The following COP1 variants were observed in gnomAD, a reference collection of about 807,000 sequenced individuals.
COP1 encodes the protein COP1 E3 ubiquitin ligase, also known as E3 ubiquitin-protein ligase COP1.
Under a neutral mutation model 101.3 loss-of-function variants are expected in COP1, and 24 were observed. The observed-to-expected ratio is 0.24, with a 90% confidence interval of 0.17 to 0.33. The LOEUF is 0.33. Ranked by LOEUF, COP1 falls within the 10% of genes least tolerant of loss-of-function variation. The pLI is 1.00. For missense variants in COP1, 663 were observed against 906.2 expected, an observed-to-expected ratio of 0.73 and a Z score of 3.45; for synonymous variants, 347 against 341.9, an observed-to-expected ratio of 1.01 and a Z score of -0.17.
intron 9 of COP1, among the ~76,000 whole-genome samples, chr1:176,104,790 A>G (rs1336560818): frequency 6.6e-6 from 1 of 152,162 alleles, no homozygotes; most frequent in Non-Finnish European, 1.5e-5. Context: ...ACTTCTAGGT[A>G]TTTACACTGA....
intron 11 of COP1, among the ~76,000 whole-genome samples, chr1:176,055,318 C>T (rs977403879): frequency 6.6e-6 from 1 of 152,278 alleles, no homozygotes; most frequent in South Asian, 2.1e-4. Context: ...ACCTGTAATC[C>T]CAGCTACTCA....
intron 19 of COP1, among the ~76,000 whole-genome samples, chr1:175,946,312 TG>T (rs1649165064): frequency 6.6e-6 from 1 of 152,240 alleles, no homozygotes; most frequent in South Asian, 2.1e-4. Flanking sequence ...GCAGTTCTTC[TG>T]CGTTAAGTTT....
chr1:176,023,771 T>C (rs1667206663), intron 15 of COP1, among the ~76,000 whole-genome samples: 1 of 150,892 alleles, frequency 6.6e-6, no homozygotes, highest in Non-Finnish European at 1.5e-5. Flanking sequence ...GTAAACACAT[T>C]GAATTAGGAA....
intron 2 of COP1, among the ~76,000 whole-genome samples, chr1:176,182,384 T>C (rs760994778): frequency 1.3e-5 from 2 of 152,198 alleles, no homozygotes; most frequent in African/African-American, 4.8e-5. Context: ...CTTTTAGCGC[T>C]AGATGAGTAC....
intron 10 of COP1, among the ~76,000 whole-genome samples, chr1:176,082,262 T>A (rs901575924): frequency 6.6e-6 from 1 of 152,216 alleles, no homozygotes; most frequent in Non-Finnish European, 1.5e-5. Flanking sequence ...TTTTCATAGC[T>A]TCTTTATTCT....
chr1:175,967,996 T>C (rs28539119), intron 18 of COP1, among the ~76,000 whole-genome samples: 38 of 152,258 alleles, frequency 2.5e-4, no homozygotes, highest in African/African-American at 8.7e-4. Flanking sequence ...GCCTCTCAAG[T>C]AGCTGGGATT....
intron 3 of COP1, among the ~76,000 whole-genome samples, chr1:176,165,724 CAAT>C (rs1183502079): frequency 6.6e-6 from 1 of 151,936 alleles, no homozygotes; most frequent in Non-Finnish European, 1.5e-5. Flanking sequence ...TAAGTAAAAT[CAAT>C]ATAGCTAAAA....
At chr1:176,019,711 A>G (rs1666384700) in intron 15 of COP1, among the ~76,000 whole-genome samples, 1 of 151,720 alleles carries the variant, frequency 6.6e-6, no homozygotes, top group Non-Finnish European at 1.5e-5. Flanking sequence ...AAATATGAAC[A>G]TTAGCCAGGC....
intron 1 of COP1, among the ~76,000 whole-genome samples, chr1:176,202,454 G>C (rs1700365856): frequency 6.6e-6 from 1 of 151,990 alleles, no homozygotes; most frequent in African/African-American, 2.4e-5. Flanking sequence ...CTACCAAAGG[G>C]CTGGGATTAC....
chr1:175,952,545 C>T (rs909835025), intron 18 of COP1, among the ~76,000 whole-genome samples: 12 of 151,874 alleles, frequency 7.9e-5, no homozygotes, highest in East Asian at 1.9e-4. Context: ...AACAGACCTG[C>T]GCTGTAAGAA....
chr1:176,146,565 C>G (rs1691614657), intron 6 of COP1, among the ~76,000 whole-genome samples: 1 of 152,154 alleles, frequency 6.6e-6, no homozygotes, highest in Non-Finnish European at 1.5e-5. Flanking sequence ...TATGGAGAAG[C>G]CCCTGTGACA....
intron 15 of COP1, among the ~76,000 whole-genome samples, chr1:176,010,503 C>T (rs1664470996): frequency 6.6e-6 from 1 of 152,198 alleles, no homozygotes; most frequent in Non-Finnish European, 1.5e-5. Context: ...CTGTTTTGCA[C>T]ATTGTTCCAC....
intron 14 of COP1, among the ~76,000 whole-genome samples, chr1:176,028,183 G>A (rs1211082512): frequency 1.3e-5 from 2 of 151,934 alleles, no homozygotes; most frequent in African/African-American, 4.8e-5. Context: ...AGATCTGGGT[G>A]GGGACACAGC....
intron 18 of COP1, among the ~76,000 whole-genome samples, chr1:175,959,699 C>T (rs1057020785): frequency 1.3e-5 from 2 of 152,020 alleles, no homozygotes; most frequent in African/African-American, 4.8e-5. Context: ...TATTGGTTAA[C>T]TTGAATAGAT....
Position 176,207,022 on chromosome 1 carries a change from C to G in COP1, c.-44G>C, listed in dbSNP as rs749630170. 7 of 1,353,484 alleles carry G rather than the reference C, an allele frequency of 5.2e-6. No homozygotes were observed. Among genetic ancestry groups the G allele is most frequent in the Admixed American group, 3.8e-5 (1 of 26,572 alleles). The allele number at this position is 1,353,484 out of a possible 1,614,324, so 83.8% of individuals were successfully genotyped here. A position where few individuals can be genotyped will look rare whatever the true frequency, so the allele number is the denominator to read the frequency against. On this transcript the variant is annotated 5_prime_UTR_variant, in exon 1 of 20. Coordinates refer to ENST00000367669, the MANE Select transcript of COP1 (RefSeq NM_022457.7). ...AGCCGGGCGCTCGGAGGAGAGGGAC[C>G]GCGACCTCGACCCTCCGCCGCCTCC...
chr1:176,014,641 C>A (rs961292364), intron 15 of COP1, among the ~76,000 whole-genome samples: 1 of 152,112 alleles, frequency 6.6e-6, no homozygotes, highest in African/African-American at 2.4e-5. Flanking sequence ...TTACTTATCA[C>A]TCTCTGAATT....
intron 5 of COP1, among the ~76,000 whole-genome samples, chr1:176,158,625 A>G (rs1693826396): frequency 6.9e-6 from 1 of 145,552 alleles, no homozygotes. Flanking sequence ...ACTGTTTTTA[A>G]GGTTCTTTTT....
At chr1:176,009,259 G>T (rs183094881) in intron 15 of COP1, among the ~76,000 whole-genome samples, 7 of 152,188 alleles carry the variant, frequency 4.6e-5, no homozygotes, top group Admixed American at 2.0e-4. Context: ...TGTGGGTATC[G>T]ACAGGTATTT....
intron 8 of COP1, chr1:176,133,780 T>A (rs566248109): frequency 9.3e-6 from 4 of 430,410 alleles, no homozygotes; most frequent in Non-Finnish European, 1.8e-5. Flanking sequence ...AAAAAGACAA[T>A]GGGAATGAAT....
Sources: allele counts gnomAD v4.1 joint callset (sites outside exome capture counted in the v4.1 genomes callset), GRCh38; gene constraint gnomAD v4.1.1; transcripts MANE v1.5; gene names NCBI Gene and HGNC (gene_info 2026-07-23, HGNC 2026-07-21).